The following DLG2 variants were observed in gnomAD, a reference collection of about 807,000 sequenced individuals.
DLG2 encodes discs large MAGUK scaffold protein 2.
A neutral mutation model predicts 132.5 loss-of-function variants in DLG2; 45 were observed. The ratio of observed to expected loss-of-function variants is 0.34; its 90% CI spans 0.27 to 0.44. DLG2 has a LOEUF of 0.44. DLG2 is among the 20% of genes least tolerant of loss of function. DLG2 has a pLI of 1.00. For missense variants in DLG2, 1,045 were observed against 1,196.9 expected, an observed-to-expected ratio of 0.87 and a Z score of 1.87; for synonymous variants, 424 against 419.6, an observed-to-expected ratio of 1.01 and a Z score of -0.13.
chr11:85,426,283 T>C (rs112549313), intron 3 of DLG2, among the ~76,000 whole-genome samples: 4,588 of 152,246 alleles, frequency 0.03, 92 homozygotes, highest in Middle Eastern at 0.075. Context: ...AGAGTAGTGG[T>C]TCTCCCAGCA....
chr11:84,682,840 C>G (rs1046722284), intron 6 of DLG2, among the ~76,000 whole-genome samples: 3 of 152,154 alleles, frequency 2.0e-5, no homozygotes, highest in Non-Finnish European at 4.4e-5. Flanking sequence ...CACCCTTCTT[C>G]TTGTAGGTCA....
intron 3 of DLG2, among the ~76,000 whole-genome samples, chr11:85,423,895 C>T (rs1273815595): frequency 6.6e-6 from 1 of 152,170 alleles, no homozygotes; most frequent in Non-Finnish European, 1.5e-5. Context: ...CTTCCCCCAC[C>T]TACGGAGTCT....
At chr11:85,114,217 C>A (rs1203939118) in intron 5 of DLG2, among the ~76,000 whole-genome samples, 1 of 151,940 alleles carries the variant, frequency 6.6e-6, no homozygotes, top group Non-Finnish European at 1.5e-5. Flanking sequence ...TACACTGTGG[C>A]ATAACAGAGT....
intron 12 of DLG2, among the ~76,000 whole-genome samples, chr11:83,972,670 A>G (rs2091554269): frequency 1.3e-5 from 2 of 152,154 alleles, no homozygotes. Context: ...CAGAACACCA[A>G]AGGAAAAGCA....
intron 3 of DLG2, among the ~76,000 whole-genome samples, chr11:85,390,275 TA>T (rs1207005843): frequency 6.6e-6 from 1 of 151,930 alleles, no homozygotes; most frequent in African/African-American, 2.4e-5. Flanking sequence ...TATATTATGA[TA>T]AAAGGACTAG....
intron 3 of DLG2, among the ~76,000 whole-genome samples, chr11:85,524,668 AT>A (rs1238219961): frequency 1.3e-5 from 2 of 151,952 alleles, no homozygotes; most frequent in Non-Finnish European, 2.9e-5. Flanking sequence ...AATTTTGTTT[AT>A]TTTTTGTAGA....
intron 6 of DLG2, among the ~76,000 whole-genome samples, chr11:84,751,419 C>G (rs1355422040): frequency 6.6e-6 from 1 of 152,006 alleles, no homozygotes; most frequent in Non-Finnish European, 1.5e-5. Flanking sequence ...ATTGTAAAAA[C>G]TGTAGGCATT....
intron 6 of DLG2, among the ~76,000 whole-genome samples, chr11:84,630,709 C>A (rs2099630089): frequency 6.6e-6 from 1 of 152,004 alleles, no homozygotes; most frequent in Admixed American, 6.6e-5. Context: ...TAACAATTTT[C>A]TTTCATTAAA....
intron 19 of DLG2, among the ~76,000 whole-genome samples, chr11:83,577,559 AATATAT>A (rs1167372199): frequency 0.026 from 2,054 of 78,422 alleles, 64 homozygotes; most frequent in Middle Eastern, 0.064. Flanking sequence ...GAATTAATAG[AATATAT>A]ATATATATAT....
chr11:84,383,978 CA>C lies in DLG2; in HGVS notation c.520-132688del, dbSNP rs567899503. Among the ~76,000 whole-genome samples the C allele has an allele frequency of 2.8e-4, 43 of 151,724 alleles. 1 individual carries two copies. The highest frequency in any genetic ancestry group is 2.6e-3 in the Admixed American group (39 of 15,184). On this transcript the variant is annotated intron_variant, in intron 7 of 27. Transcript: ENST00000376104. ...TCCTACTGCACTTTTCACATACCTC[CA>C]TCAAGCAGCTGAAACTTTTATACTC...
intron 7 of DLG2, among the ~76,000 whole-genome samples, chr11:84,417,577 G>A (rs1366585616): frequency 1.3e-5 from 2 of 152,080 alleles, no homozygotes; most frequent in African/African-American, 2.4e-5. Flanking sequence ...GACTTCGTCT[G>A]AGTCTACAGC....
At chr11:85,008,911 G>A (rs1012685535) in intron 6 of DLG2, among the ~76,000 whole-genome samples, 1 of 152,052 alleles carries the variant, frequency 6.6e-6, no homozygotes. Context: ...TTCAAGTTCA[G>A]TGGTAGAAAA....
intron 6 of DLG2, among the ~76,000 whole-genome samples, chr11:84,563,770 G>T (rs1484699740): frequency 1.3e-5 from 2 of 152,278 alleles, no homozygotes; most frequent in East Asian, 3.9e-4. Flanking sequence ...GTGAGGCTCT[G>T]AAGTAGCTGT....
intron 3 of DLG2, among the ~76,000 whole-genome samples, chr11:85,359,707 A>G (rs1368120071): frequency 6.6e-6 from 1 of 152,192 alleles, no homozygotes; most frequent in East Asian, 1.9e-4. Flanking sequence ...GAAACATGAT[A>G]TGACAGCAAA....
intron 3 of DLG2, among the ~76,000 whole-genome samples, chr11:85,495,620 C>G (rs286527): frequency 0.89 from 135,325 of 152,144 alleles, 60,441 homozygotes; most frequent in African/African-American, 0.91. Flanking sequence ...TCATTAAAAA[C>G]TCAGGAAACA....
At chr11:85,322,504 A>C (rs546500761) in intron 3 of DLG2, among the ~76,000 whole-genome samples, 1 of 152,274 alleles carries the variant, frequency 6.6e-6, no homozygotes, top group South Asian at 2.1e-4. Context: ...TTAGTGACTA[A>C]TATCAGCTGA....
At chr11:84,342,506 T>C (rs541655998) in intron 7 of DLG2, among the ~76,000 whole-genome samples, 23 of 152,252 alleles carry the variant, frequency 1.5e-4, no homozygotes, top group South Asian at 8.3e-4. Flanking sequence ...AAATAAACTG[T>C]CTTTTGGGTA....
chr11:84,518,778 C>G (rs11234064), intron 7 of DLG2, among the ~76,000 whole-genome samples: 51,316 of 151,932 alleles, frequency 0.34, 9,322 homozygotes, highest in South Asian at 0.49. Flanking sequence ...AGATAACAAG[C>G]TAAGGCGTGC....
chr11:84,982,429 T>C (rs2154120286), intron 6 of DLG2, among the ~76,000 whole-genome samples: 1 of 152,280 alleles, frequency 6.6e-6, no homozygotes, highest in Non-Finnish European at 1.5e-5. Flanking sequence ...GAGTCATTTT[T>C]CACATGTTCT....
Sources: gnomAD v4.1 joint callset for allele counts (sites outside exome capture counted in the v4.1 genomes callset) on GRCh38, gnomAD v4.1.1 for gene constraint, MANE v1.5 for transcripts, NCBI Gene and HGNC (gene_info 2026-07-23, HGNC 2026-07-21) for gene names.